CPQ: variants seen among roughly 807,000 people sequenced by gnomAD.
The protein encoded by CPQ is Ser-Met dipeptidase.
Under a neutral mutation model 45.7 loss-of-function variants are expected in CPQ, and 37 were observed. The observed-to-expected ratio is 0.81, with a 90% confidence interval of 0.62 to 1.07. The LOEUF (loss-of-function observed/expected upper bound fraction) is 1.07, where lower values mean the gene tolerates loss of function less well. Among genes scored for constraint, CPQ ranks in the 50% least tolerant of loss-of-function variants. CPQ has a pLI of 0.00. For missense variants in CPQ, 537 were observed against 572.9 expected (o/e 0.94, Z 0.64); for synonymous variants, 186 against 205.8 (o/e 0.90, Z 0.82).
At chr8:96,654,069 T>A (rs1407505163) in intron 1 of CPQ, among the ~76,000 whole-genome samples, 1 of 152,220 alleles carries the variant, frequency 6.6e-6, no homozygotes, top group Non-Finnish European at 1.5e-5. Flanking sequence ...TCTTAAATAA[T>A]CAGAACGCTT....
chr8:96,745,443 A>G lies in CPQ; in HGVS notation c.-34-39421A>G, dbSNP rs150010998. 3.3e-3 allele frequency among the ~76,000 whole-genome samples: 506 copies of G among 152,348 alleles called. 7 individuals are homozygous for G. Among genetic ancestry groups the G allele is most frequent in the African/African-American group, 0.012 (481 of 41,580 alleles). On this transcript the variant is annotated intron_variant, in intron 1 of 7. Coordinates refer to ENST00000220763, the MANE Select transcript of CPQ (RefSeq NM_016134.4). Reference sequence around the variant, plus strand: ...AGAGGGATTAAAACATGAGCAGCAAATGACAGAACTAGAGCAAATGAGTGG... The same window carrying G: ...AGAGGGATTAAAACATGAGCAGCAAGTGACAGAACTAGAGCAAATGAGTGG...
chr8:97,028,415 CA>C (rs1378713266), intron 5 of CPQ, among the ~76,000 whole-genome samples: 1 of 152,228 alleles, frequency 6.6e-6, no homozygotes, highest in African/African-American at 2.4e-5. Flanking sequence ...GTGTCCATCT[CA>C]GAGCCACTCA....
At chr8:96,816,624 C>T (rs1206212084) in intron 2 of CPQ, among the ~76,000 whole-genome samples, 2 of 152,096 alleles carry the variant, frequency 1.3e-5, no homozygotes, top group Non-Finnish European at 2.9e-5. Context: ...CTATGGCAGC[C>T]ATAGCCTTAT....
chr8:97,089,272 G>T (rs1586535794), intron 7 of CPQ, among the ~76,000 whole-genome samples: 3 of 148,430 alleles, frequency 2.0e-5, no homozygotes, highest in East Asian at 2.0e-4. Context: ...GAAAAGAAAA[G>T]AAAAGAAAAT....
intron 5 of CPQ, among the ~76,000 whole-genome samples, chr8:96,979,970 A>G (rs971847294): frequency 6.6e-6 from 1 of 152,174 alleles, no homozygotes; most frequent in African/African-American, 2.4e-5. Flanking sequence ...TCAACCTTTA[A>G]GTCCTCCTTT....
chr8:97,130,382 C>T (rs1342688980), intron 7 of CPQ, among the ~76,000 whole-genome samples: 6 of 150,754 alleles, frequency 4.0e-5, no homozygotes, highest in South Asian at 2.1e-4. Context: ...GCATGTTACC[C>T]GACAAAGTAG....
chr8:97,015,222 A>G (rs1809558302), intron 5 of CPQ, among the ~76,000 whole-genome samples: 1 of 152,176 alleles, frequency 6.6e-6, no homozygotes, highest in Non-Finnish European at 1.5e-5. Context: ...CAAAAGTGTG[A>G]TTCAGAGTTC....
chr8:96,992,826 G>A (rs144609202), intron 5 of CPQ, among the ~76,000 whole-genome samples: 4 of 152,306 alleles, frequency 2.6e-5, no homozygotes, highest in Admixed American at 2.6e-4. Flanking sequence ...TGCACCTGAA[G>A]TGCTTCCTCT....
chr8:96,778,890 A>T (rs151248945), intron 1 of CPQ, among the ~76,000 whole-genome samples: 5 of 151,842 alleles, frequency 3.3e-5, no homozygotes, highest in Admixed American at 1.3e-4. Context: ...TATGGTGAAA[A>T]GCTGTCTCTA....
rs116429025 is a variant in CPQ, at chr8:96,895,744, T to G, written c.849+15739T>G. 3.9e-3 allele frequency among the ~76,000 whole-genome samples: 593 copies of G among 152,324 alleles called. 3 individuals carry two copies. The highest frequency in any genetic ancestry group is 0.014 in the African/African-American group (568 of 41,594). On this transcript the variant is annotated intron_variant, in intron 4 of 7. Coordinates refer to ENST00000220763, the MANE Select transcript of CPQ (RefSeq NM_016134.4). ...CCCAAGTGTGCTGTCACAGTTATAC[T>G]GTCAGTTAAATTAAGCATGAATGAT...
At chr8:96,829,446 C>G (rs1032980248) in intron 2 of CPQ, among the ~76,000 whole-genome samples, 58 of 152,110 alleles carry the variant, frequency 3.8e-4, no homozygotes, top group African/African-American at 1.4e-3. Flanking sequence ...GACTGTTTTC[C>G]TTTTCTTCCT....
chr8:96,894,860 T>A (rs1422887268), intron 4 of CPQ, among the ~76,000 whole-genome samples: 1 of 152,210 alleles, frequency 6.6e-6, no homozygotes, highest in African/African-American at 2.4e-5. Context: ...ACACCTGGAT[T>A]TTCTGCAGGA....
intron 7 of CPQ, among the ~76,000 whole-genome samples, chr8:97,072,655 C>A (rs1022309383): frequency 6.6e-6 from 1 of 152,124 alleles, no homozygotes; most frequent in African/African-American, 2.4e-5. Context: ...CCAGGCACAC[C>A]CTGCTGCTCT....
At chr8:96,954,806 CT>C (rs1444637872) in intron 4 of CPQ, among the ~76,000 whole-genome samples, 1 of 151,878 alleles carries the variant, frequency 6.6e-6, no homozygotes, top group Non-Finnish European at 1.5e-5. Context: ...TCCAAGTGTT[CT>C]CATTGTTCAA....
In CPQ at chr8:96,879,912, T is replaced by G; in HGVS notation, c.756T>G (p.Ile252Met). The change falls in exon 4 of 8, where the codon ATT (isoleucine) becomes ATG (methionine). Residue 252 changes from isoleucine to methionine, a missense_variant. Transcript: ENST00000220763. Reference sequence around the variant, plus strand: ...GAATGGCTTCTCATGGGATCAAAATTGTCATTCAGCTAAAGATGGGGGCAA... The same window carrying G: ...GAATGGCTTCTCATGGGATCAAAATGGTCATTCAGCTAAAGATGGGGGCAA... Reference protein sequence around the residue: ...MSRMASHGIKIVIQLKMGAKT... With the variant: ...MSRMASHGIKMVIQLKMGAKT... 1 of 1,614,062 alleles carries G rather than the reference T, an allele frequency of 6.2e-7. No homozygotes were observed. The highest frequency in any genetic ancestry group is 8.5e-7 in the Non-Finnish European group (1 of 1,179,972).
chr8:96,966,339 G>A (rs1309067605), intron 5 of CPQ, among the ~76,000 whole-genome samples: 2 of 152,186 alleles, frequency 1.3e-5, no homozygotes, highest in Non-Finnish European at 2.9e-5. Flanking sequence ...AAAATATGAT[G>A]AAATGCAAAG....
intron 1 of CPQ, among the ~76,000 whole-genome samples, chr8:96,734,563 T>A (rs1809955117): frequency 6.6e-6 from 1 of 151,426 alleles, no homozygotes; most frequent in Non-Finnish European, 1.5e-5. Context: ...TACAAAAAAT[T>A]AGCTGGGCGT....
In CPQ at chr8:97,029,390, A is replaced by T. The variant is rs1231059108; in HGVS notation, c.962-13A>T. 6.4e-7 allele frequency: 1 copy of T among 1,574,490 alleles called. No individual in the cohort carries two copies. Among genetic ancestry groups the T allele is most frequent in the Non-Finnish European group, 8.6e-7 (1 of 1,158,234 alleles). On this transcript the variant is annotated splice_polypyrimidine_tract_variant and intron_variant, in intron 5 of 7. Transcript: ENST00000220763. Reference sequence around the variant, plus strand: ...AACTAAAGTATCACTTTTTTATTTTATTATTTTCCCAGGGCTGCGTCCAAA... The same window carrying T: ...AACTAAAGTATCACTTTTTTATTTTTTTATTTTCCCAGGGCTGCGTCCAAA...
chr8:96,670,783 T>C (rs1321758377), intron 1 of CPQ, among the ~76,000 whole-genome samples: 1 of 151,254 alleles, frequency 6.6e-6, no homozygotes, highest in African/African-American at 2.4e-5. Flanking sequence ...ATAAAGGTTA[T>C]ATACACGTTT....
Sources: allele counts gnomAD v4.1 joint callset (sites outside exome capture counted in the v4.1 genomes callset), GRCh38; gene constraint gnomAD v4.1.1; transcripts MANE v1.5; gene names NCBI Gene and HGNC (gene_info 2026-07-23, HGNC 2026-07-21).